GALK1: variants seen among roughly 807,000 people sequenced by gnomAD.
The protein encoded by GALK1 is galactokinase 1, also known as galactokinase.
A neutral mutation model predicts 38.6 loss-of-function variants in GALK1; 30 were observed. That is an observed-to-expected ratio of 0.78 (90% confidence interval 0.58 to 1.05). The LOEUF (loss-of-function observed/expected upper bound fraction) is 1.05. Ranked by LOEUF, GALK1 falls within the 50% of genes least tolerant of loss-of-function variation. The pLI, the probability that GALK1 is intolerant of heterozygous loss-of-function variation, is 0.00. For synonymous variants in GALK1, 240 were observed against 233.6 expected, an observed-to-expected ratio of 1.03 and a Z score of -0.25; for missense variants, 512 against 540.5, an observed-to-expected ratio of 0.95 and a Z score of 0.52.
downstream of GALK1, among the ~76,000 whole-genome samples, chr17:75,756,141 G>T (rs1464942347): frequency 1.3e-5 from 2 of 152,200 alleles, no homozygotes; most frequent in African/African-American, 2.4e-5. Context: ...GGCCTGAGAT[G>T]CCTTTGGGGG....
At chr17:75,751,828 C>A in intron 8 of GALK1, 1 of 393,110 alleles carries the variant, frequency 2.5e-6, no homozygotes, top group Non-Finnish European at 4.8e-6. Context: ...GTTATTTCTC[C>A]AGTCCTGGAA....
At chr17:75,757,151 G>C (rs370027606), downstream of GALK1, 1 of 1,612,390 alleles carries the variant, frequency 6.2e-7, no homozygotes, top group East Asian at 2.2e-5. Flanking sequence ...TCCTCGGGCC[G>C]TGCCTCCTTC....
At chr17:75,752,622 G>C (rs1285648658) in intron 8 of GALK1, 1 of 1,610,264 alleles carries the variant, frequency 6.2e-7, no homozygotes, top group Non-Finnish European at 8.5e-7. Context: ...GGGGGTCTTG[G>C]GTACAGAGTG....
chr17:75,754,066 GC>G, downstream of GALK1: 2 of 579,532 alleles, frequency 3.5e-6, no homozygotes, highest in Non-Finnish European at 5.2e-6. Flanking sequence ...TGCCTCGGGG[GC>G]CCCAGTTTCA....
downstream of GALK1, chr17:75,757,348 G>A: frequency 6.2e-7 from 1 of 1,612,714 alleles, no homozygotes; most frequent in Non-Finnish European, 8.5e-7. Flanking sequence ...GCTCTCCTGG[G>A]ACAGGGAGCT....
chr17:75,764,881 A>G, intron 1 of GALK1, 91 bp downstream of exon 1: 1 of 1,413,150 alleles, frequency 7.1e-7, no homozygotes, highest in Non-Finnish European at 9.7e-7. Context: ...CTCCCGCGGG[A>G]AGAACTCGCC....
downstream of GALK1, chr17:75,754,829 G>A (rs767841126): frequency 6.2e-7 from 1 of 1,613,706 alleles, no homozygotes; most frequent in Non-Finnish European, 8.5e-7. Context: ...AGTGACCTCA[G>A]CCAACCCTGC....
In GALK1 at chr17:75,758,019, G is replaced by A. The variant is rs1220519164; in HGVS notation, c.*37C>T. ...ACAGAGCCGTGGGACTGGCCTGCAG[G>A]CCCCGCACCCTCACCGTGTGCTGTC... On this transcript the variant is annotated 3_prime_UTR_variant, in exon 8 of 8. Coordinates refer to ENST00000588479, the MANE Select transcript of GALK1 (RefSeq NM_000154.2). The A allele has an allele frequency of 1.2e-6, 2 of 1,609,378 alleles. No homozygotes were observed. Among genetic ancestry groups the A allele is most frequent in the South Asian group, 2.2e-5 (2 of 90,814 alleles).
chr17:75,758,240 G>A lies in GALK1; in HGVS notation c.1077C>T (p.Ser359=), dbSNP rs376050836. The change falls in exon 7 of 8, where the codon TCC becomes TCT. Residue 359 remains serine (S), a synonymous_variant. Coordinates refer to ENST00000588479, the MANE Select transcript of GALK1 (RefSeq NM_000154.2). ...TGTGCCGCATGGCGTGGGGAGCAGCGGAGGCCTCCAGCAGTGTCACCGTGC... is the reference window on the plus strand; with the variant it reads ...TGTGCCGCATGGCGTGGGGAGCAGCAGAGGCCTCCAGCAGTGTCACCGTGC... ...GGCTVTLLEA[S]AAPHAMRHIQ... 64 of 1,602,236 alleles carry A rather than the reference G, an allele frequency of 4.0e-5. No homozygotes were observed. Among genetic ancestry groups the A allele is most frequent in the South Asian group, 5.6e-5 (5 of 89,754 alleles).
In GALK1 at chr17:75,762,773, G is replaced by T. The variant is rs1324769615; in HGVS notation, c.724C>A (p.Gln242Lys). ...AGCGCCCGGGCCACTTCTTCACATT[G>T]GCGCCGCCGCACAGGGTACTCGCTG... ...ASSEYPVRRR[Q>K]CEEVARALGK... The change falls in exon 5 of 8, where the codon CAA becomes AAA. Residue 242 changes from glutamine (Q) to lysine (K), a missense_variant. Physicochemically the swap from Gln to Lys is moderately conservative, Grantham distance 53 (BLOSUM62 1). Coordinates refer to ENST00000588479, the MANE Select transcript of GALK1 (RefSeq NM_000154.2). The T allele has an allele frequency of 6.2e-7, 1 of 1,613,946 alleles. No homozygotes were observed. Among genetic ancestry groups the T allele is most frequent in the Non-Finnish European group, 8.5e-7 (1 of 1,180,016 alleles).
At chr17:75,764,641 C>A (rs992335846) in intron 1 of GALK1, 9 of 488,536 alleles carry the variant, frequency 1.8e-5, no homozygotes, top group South Asian at 9.6e-5. Context: ...TGGCCGGAGG[C>A]GCGGAGTGTC....
At chr17:75,764,539 G>A in intron 1 of GALK1, 1 of 474,862 alleles carries the variant, frequency 2.1e-6, no homozygotes, top group South Asian at 1.6e-5. Context: ...CAGTTCACTG[G>A]GCCTCTCTAG....
At chr17:75,754,947 C>A, downstream of GALK1, 1 of 1,385,628 alleles carries the variant, frequency 7.2e-7, no homozygotes, top group Non-Finnish European at 9.9e-7. Flanking sequence ...CACATGCACG[C>A]ACACACGTGC....
downstream of GALK1, chr17:75,754,735 A>G (rs776607659): frequency 1.9e-6 from 3 of 1,613,704 alleles, no homozygotes; most frequent in Admixed American, 5.0e-5. Flanking sequence ...CGGGACTACA[A>G]CTCACTGACC....
chr17:75,755,826 G>A, downstream of GALK1: 1 of 1,607,282 alleles, frequency 6.2e-7, no homozygotes, highest in Non-Finnish European at 8.5e-7. Context: ...GGGCTACAGT[G>A]TGGAGTACCA....
At chr17:75,755,850 G>A (rs1233227080), downstream of GALK1, 21 of 1,601,874 alleles carry the variant, frequency 1.3e-5, no homozygotes, top group East Asian at 2.2e-5. Context: ...GCTGAACGGC[G>A]GTGAGGCATG....
In GALK1 at chr17:75,758,282, G is replaced by A. The variant is rs576223041; in HGVS notation, c.1035C>T (p.Gly345=). The part of the protein sequence containing the change: ...VPGVYGSRMT[G]GGFGGCTVTL... ...TCACCGTGCAGCCACCGAAGCCACC[G>A]CCCGTCATGCGGCTGCCATAAACCC... is the stretch of plus-strand genomic sequence containing the variant. The change falls in exon 7 of 8, where the codon GGC becomes GGT. Residue 345 remains glycine, a synonymous_variant. Transcript: ENST00000588479. 69 of 1,591,154 alleles carry A rather than the reference G, an allele frequency of 4.3e-5. No homozygotes were observed. The highest frequency in any genetic ancestry group is 3.8e-4 in the South Asian group (34 of 88,428).
downstream of GALK1, chr17:75,756,502 C>T (rs1047744713): frequency 3.7e-6 from 6 of 1,613,296 alleles, no homozygotes; most frequent in African/African-American, 2.7e-5. Context: ...TGCCCAACCA[C>T]TCCTACGTGT....
At chr17:75,756,903 A>G (rs1412027966), downstream of GALK1, 9 of 1,612,044 alleles carry the variant, frequency 5.6e-6, no homozygotes, top group Non-Finnish European at 7.6e-6. Flanking sequence ...GGAGGGGTAA[A>G]GAGGGGGCCG....
Sources: gnomAD v4.1 joint callset for allele counts (sites outside exome capture counted in the v4.1 genomes callset) on GRCh38, gnomAD v4.1.1 for gene constraint, MANE v1.5 for transcripts, NCBI Gene and HGNC (gene_info 2026-07-23, HGNC 2026-07-21) for gene names.